Variants in KCNG2 observed in about 807,000 individuals in gnomAD.
The protein encoded by KCNG2 is potassium voltage-gated channel modifier subfamily G member 2.
A neutral mutation model predicts 12.3 loss-of-function variants in KCNG2; 7 were observed. The observed-to-expected ratio is 0.57, with a 90% CI of 0.32 to 1.07. The LOEUF is 1.07. Among genes scored for constraint, KCNG2 ranks in the 50% least tolerant of loss-of-function variants. The pLI, the probability that KCNG2 is intolerant of heterozygous loss-of-function variation, is 0.04. For synonymous variants in KCNG2, 414 were observed against 351.4 expected (o/e 1.18, Z -1.99); for missense variants, 703 against 726.0 (o/e 0.97, Z 0.36).
At chr18:79,802,002 C>A (rs1321813177) in intron 1 of KCNG2, among the ~76,000 whole-genome samples, 1 of 152,194 alleles carries the variant, frequency 6.6e-6, no homozygotes, top group East Asian at 1.9e-4. Context: ...GGAATTGATT[C>A]TTAGCACATA....
At position 79,899,803 on chromosome 18, in the gene KCNG2, G is replaced by T. The variant is rs780982352; in HGVS notation, c.1388G>T (p.Arg463Leu). 7.1e-7 allele frequency: 1 copy of T among 1,413,478 alleles called. No individual in the cohort carries two copies. The highest frequency in any genetic ancestry group is 2.8e-5 in the East Asian group (1 of 35,446). The allele number at this position is 1,413,478 out of a possible 1,614,324, so 87.6% of individuals were successfully genotyped here. Residue 463 changes from arginine (R) to leucine (L), a missense_variant, in exon 4 of 4, where the codon CGG (arginine) becomes CTG (leucine). Physicochemically the swap from Arg to Leu is moderately radical, Grantham distance 102 (BLOSUM62 -2). Coordinates refer to ENST00000316249, the MANE Select transcript of KCNG2 (RefSeq NM_012283.2). The stretch of plus-strand genomic sequence containing the variant: ...GACTCCGCGGATGCGCTGTGGGTGC[G>T]GGCAGGGCGCTGACGCCTGCGCCGC... ...ADDSADALWVRAGR is the reference protein window; with the variant it reads ...ADDSADALWVLAGR
chr18:79,807,903 C>A (rs878876460), intron 1 of KCNG2, among the ~76,000 whole-genome samples: 17 of 95,890 alleles, frequency 1.8e-4, no homozygotes, highest in African/African-American at 6.1e-4. Flanking sequence ...GCTGCCGGGG[C>A]CGCGCTGACC....
At chr18:79,831,746 C>T (rs979815205) in intron 1 of KCNG2, among the ~76,000 whole-genome samples, 1 of 96,074 alleles carries the variant, frequency 1.0e-5, no homozygotes, top group African/African-American at 2.8e-5. Context: ...GGGTTCCCTG[C>T]GGACAGAGCC....
chr18:79,836,444 C>T lies in KCNG2; in HGVS notation c.-114-19935C>T, dbSNP rs756810927. Among the ~76,000 whole-genome samples, 29 of 152,278 alleles carry T rather than the reference C, an allele frequency of 1.9e-4. No homozygotes were observed. In the Middle Eastern group the frequency reaches 0.01, roughly 54 times the overall value. On this transcript the variant is annotated intron_variant, in intron 1 of 3. Transcript: ENST00000316249. ...GAGATAACATCATCATCCAACAGAT[C>T]TATTTGATATTTAAAGGATACTTCA...
At position 79,861,467 on chromosome 18, in the gene KCNG2, C is replaced by G. The variant is rs1280404134; in HGVS notation, c.-40-2161C>G. On this transcript the variant is annotated intron_variant, in intron 2 of 3. Coordinates refer to ENST00000316249, the MANE Select transcript of KCNG2 (RefSeq NM_012283.2). ...CTAATTTTTGTATTTTTAGTAGAGA[C>G]AGGTTTTTGCCATGTTGGCCAGGAT... is the stretch of plus-strand genomic sequence containing the variant. Among the ~76,000 whole-genome samples the G allele has an allele frequency of 2.6e-5, 4 of 151,928 alleles. No individual in the cohort carries two copies. The East Asian group carries it at 7.7e-4, about 29-fold the overall frequency.
chr18:79,898,075 A>G (rs962115859), intron 3 of KCNG2, among the ~76,000 whole-genome samples: 26 of 152,176 alleles, frequency 1.7e-4, no homozygotes, highest in Non-Finnish European at 2.9e-5. Flanking sequence ...AGTCTAGGCT[A>G]CGTGGTCAGC....
At chr18:79,870,925 T>G (rs1979803692) in intron 3 of KCNG2, among the ~76,000 whole-genome samples, 1 of 151,822 alleles carries the variant, frequency 6.6e-6, no homozygotes, top group African/African-American at 2.4e-5. Context: ...GATGAAAGGG[T>G]GTGGCTGATT....
chr18:79,870,193 C>A (rs935733760), intron 3 of KCNG2, among the ~76,000 whole-genome samples: 1 of 152,266 alleles, frequency 6.6e-6, no homozygotes, highest in Non-Finnish European at 1.5e-5. Context: ...CGAAGCCCCC[C>A]ACGTCGAAGG....
At chr18:79,889,746 C>G (rs963966774) in intron 3 of KCNG2, among the ~76,000 whole-genome samples, 2 of 152,192 alleles carry the variant, frequency 1.3e-5, no homozygotes, top group Admixed American at 1.3e-4. Flanking sequence ...CCTGCCTGAT[C>G]GTCCTGGCTG....
intron 3 of KCNG2, among the ~76,000 whole-genome samples, chr18:79,873,228 C>T (rs774172493): frequency 1.8e-4 from 27 of 152,220 alleles, no homozygotes; most frequent in Admixed American, 1.3e-4. Context: ...CAGCGTTTCT[C>T]GCCTCCTGTC....
chr18:79,882,724 G>A (rs1181024615), intron 3 of KCNG2, among the ~76,000 whole-genome samples: 1 of 150,620 alleles, frequency 6.6e-6, no homozygotes, highest in Non-Finnish European at 1.5e-5. Flanking sequence ...GCCATGGAGT[G>A]GCGAGGCTGC....
intron 2 of KCNG2, among the ~76,000 whole-genome samples, chr18:79,861,627 T>C (rs1979225401): frequency 6.6e-6 from 1 of 152,220 alleles, no homozygotes; most frequent in African/African-American, 2.4e-5. Flanking sequence ...TCTTTGAATT[T>C]ATCTTACTTG....
At chr18:79,862,212 T>A (rs1979246741) in intron 2 of KCNG2, among the ~76,000 whole-genome samples, 1 of 152,232 alleles carries the variant, frequency 6.6e-6, no homozygotes, top group Admixed American at 6.5e-5. Flanking sequence ...AAAATGAAAT[T>A]TTTAATAAGT....
intron 3 of KCNG2, among the ~76,000 whole-genome samples, chr18:79,883,224 C>T (rs1259215180): frequency 1.3e-5 from 2 of 152,068 alleles, no homozygotes; most frequent in African/African-American, 2.4e-5. Context: ...CCTGGGAAAG[C>T]CAGGGGTTGG....
intron 1 of KCNG2, among the ~76,000 whole-genome samples, chr18:79,817,460 C>T (rs1308436432): frequency 6.6e-6 from 1 of 152,192 alleles, no homozygotes; most frequent in Non-Finnish European, 1.5e-5. Flanking sequence ...TTGTCACACC[C>T]GTTACACCCA....
chr18:79,857,307 G>A (rs995034923), intron 2 of KCNG2, among the ~76,000 whole-genome samples: 2 of 150,052 alleles, frequency 1.3e-5, no homozygotes, highest in African/African-American at 2.5e-5. Flanking sequence ...CGTGGTCCCG[G>A]TGATTATGGA....
chr18:79,814,393 C>T (rs578025487), intron 1 of KCNG2, among the ~76,000 whole-genome samples: 3 of 152,348 alleles, frequency 2.0e-5, no homozygotes, highest in African/African-American at 4.8e-5. Context: ...TTCTGTACTG[C>T]GGAATACTCT....
intron 3 of KCNG2, among the ~76,000 whole-genome samples, chr18:79,885,074 C>G (rs529244634): frequency 1.3e-5 from 2 of 152,282 alleles, no homozygotes; most frequent in Non-Finnish European, 2.9e-5. Flanking sequence ...CCCACCCTGA[C>G]AGTAGAGGGC....
chr18:79,887,233 G>A (rs1168414844), intron 3 of KCNG2, among the ~76,000 whole-genome samples: 3 of 151,854 alleles, frequency 2.0e-5, no homozygotes, highest in South Asian at 4.2e-4. Context: ...ACAGGGACAG[G>A]GACACAGGGA....
Sources: gnomAD v4.1 joint callset for allele counts (sites outside exome capture counted in the v4.1 genomes callset) on GRCh38, gnomAD v4.1.1 for gene constraint, MANE v1.5 for transcripts, NCBI Gene and HGNC (gene_info 2026-07-23, HGNC 2026-07-21) for gene names.